ADH1A: variants seen among roughly 807,000 people sequenced by gnomAD.
The protein encoded by ADH1A is alcohol dehydrogenase 1A (class I), alpha polypeptide.
A neutral mutation model predicts 35.2 loss-of-function variants in ADH1A; 29 were observed. The ratio of observed to expected loss-of-function variants is 0.82; its 90% CI spans 0.61 to 1.12. ADH1A has a LOEUF of 1.12. Ranked by LOEUF, ADH1A falls within the 50% of genes most tolerant of loss-of-function variation. The pLI is 0.00. For synonymous variants in ADH1A, 147 were observed against 164.8 expected (o/e 0.89, Z 0.83); for missense variants, 469 against 464.7 (o/e 1.01, Z -0.09).
rs752260288 is a variant in ADH1A at position 99,282,206 on chromosome 4, A to G, written c.828+140T>C. 9 of 1,511,950 alleles carry G rather than the reference A, an allele frequency of 6.0e-6. No individual in the cohort carries two copies. In the African/African-American group the frequency reaches 1.1e-4, roughly 19 times the overall value. The allele number at this position is 1,511,950 out of a possible 1,614,324, so 93.7% of individuals were successfully genotyped here. A position where few individuals can be genotyped will look rare whatever the true frequency, so the allele number is the denominator to read the frequency against. On this transcript the variant is annotated intron_variant, in intron 6 of 8. Coordinates refer to ENST00000209668, the MANE Select transcript of ADH1A (RefSeq NM_000667.4). ...GATTCCTCATAACAATAAATTAAAC[A>G]AGCCAGGTAACAAACAGATGATGGG...
chr4:99,283,105 T>G (rs1180716147), intron 5 of ADH1A, among the ~76,000 whole-genome samples: 1 of 152,250 alleles, frequency 6.6e-6, no homozygotes, highest in East Asian at 1.9e-4. Context: ...AAACCCTCAG[T>G]AATGAACTCC....
intron 1 of ADH1A, chr4:99,288,861 G>A (rs930782430): frequency 6.6e-6 from 1 of 151,992 alleles, no homozygotes; most frequent in African/African-American, 2.4e-5. Flanking sequence ...GGTGTTTTCT[G>A]GTTACCTGGG....
In ADH1A at chr4:99,279,567, GA is replaced by G; in HGVS notation, c.965-4del. ...GACACATTCTTTACTTTTAAAGCCT[GA>G]AAAGAAGATGGTATCATTGTTAGAT... On this transcript the variant is annotated splice_polypyrimidine_tract_variant and splice_region_variant and intron_variant, in intron 7 of 8. Coordinates refer to ENST00000209668, the MANE Select transcript of ADH1A (RefSeq NM_000667.4). 6.2e-7 allele frequency: 1 copy of G among 1,606,806 alleles called. No individual in the cohort carries two copies. The highest frequency in any genetic ancestry group is 8.5e-7 in the Non-Finnish European group (1 of 1,177,868).
rs1452486483 is a variant in ADH1A at position 99,286,862 on chromosome 4, T to C, written c.247A>G (p.Thr83Ala). 3 of 1,613,930 alleles carry C rather than the reference T, an allele frequency of 1.9e-6. No homozygotes were observed. The African/African-American group carries it at 4.0e-5, about 22-fold the overall frequency. Residue 83 changes from threonine (T) to alanine (A), a missense_variant, in exon 3 of 9, where the codon ACA (threonine) becomes GCA (alanine). Physicochemically the swap from Thr to Ala is moderately conservative, Grantham distance 58 (BLOSUM62 0). Coordinates refer to ENST00000209668, the MANE Select transcript of ADH1A (RefSeq NM_000667.4). ...GTGAATCCTGTACCTGGTTTGACTG[T>C]AGTCACCCCTTCTCCAACACTCTCC... ...IVESVGEGVTTVKPGDKVIPL... is the reference protein window; with the variant it reads ...IVESVGEGVTAVKPGDKVIPL...
At chr4:99,281,841 G>C (rs2051429) in intron 6 of ADH1A, 14,528 of 187,592 alleles carry the variant, frequency 0.077, 1,292 homozygotes, top group African/African-American at 0.24. Flanking sequence ...TAATGCATTT[G>C]AGCTTCACTT....
chr4:99,279,578 G>T lies in ADH1A; in HGVS notation c.965-14C>A. ...TACTTTTAAAGCCTGAAAAGAAGATGGTATCATTGTTAGATTCAACCAGGG... is the reference window on the plus strand; with the variant it reads ...TACTTTTAAAGCCTGAAAAGAAGATTGTATCATTGTTAGATTCAACCAGGG... On this transcript the variant is annotated splice_polypyrimidine_tract_variant and intron_variant, in intron 7 of 8. Coordinates refer to ENST00000209668, the MANE Select transcript of ADH1A (RefSeq NM_000667.4). The T allele has an allele frequency of 6.2e-7, 1 of 1,603,112 alleles. No individual in the cohort carries two copies. Among genetic ancestry groups the T allele is most frequent in the East Asian group, 2.2e-5 (1 of 44,636 alleles).
intron 1 of ADH1A, among the ~76,000 whole-genome samples, chr4:99,288,343 G>T (rs190192790): frequency 1.0e-3 from 156 of 152,102 alleles, no homozygotes; most frequent in African/African-American, 3.5e-3. Flanking sequence ...TTGGGTGTGT[G>T]TGTGTGTGTG....
At chr4:99,281,776 G>C in intron 6 of ADH1A, 1 of 173,092 alleles carries the variant, frequency 5.8e-6, no homozygotes, top group South Asian at 1.4e-4. Context: ...AGTCCTACTA[G>C]TATTGGGCTC....
chr4:99,280,669 A>G (rs1371285023), intron 6 of ADH1A, among the ~76,000 whole-genome samples: 1 of 152,120 alleles, frequency 6.6e-6, no homozygotes, highest in Non-Finnish European at 1.5e-5. Flanking sequence ...GGTATTTTGA[A>G]CCCATTACTT....
chr4:99,279,917 C>T (rs569964854), intron 7 of ADH1A, among the ~76,000 whole-genome samples: 6 of 152,178 alleles, frequency 3.9e-5, no homozygotes, highest in South Asian at 2.1e-4. Flanking sequence ...GTTACAAGTA[C>T]GAAAACAGAT....
chr4:99,288,593 A>C (rs1733215287), intron 1 of ADH1A: 1 of 152,198 alleles, frequency 6.6e-6, no homozygotes, highest in Non-Finnish European at 1.5e-5. Context: ...AATTATGATA[A>C]AAATTCAATT....
intron 6 of ADH1A, chr4:99,282,091 A>G (rs1229971): frequency 2.8e-4 from 170 of 597,662 alleles, no homozygotes; most frequent in Non-Finnish European, 4.4e-4. Context: ...AAAGTAATCT[A>G]TTATCACTCA....
At chr4:99,284,323 C>T (rs1052319275) in intron 5 of ADH1A, 76 bp downstream of exon 5, 5 of 1,454,036 alleles carry the variant, frequency 3.4e-6, no homozygotes, top group African/African-American at 2.8e-5. Flanking sequence ...ATCTTCGATT[C>T]TTGTGAGACA....
intron 1 of ADH1A, among the ~76,000 whole-genome samples, chr4:99,289,411 G>A (rs1406855620): frequency 6.6e-6 from 1 of 152,108 alleles, no homozygotes; most frequent in Non-Finnish European, 1.5e-5. Context: ...TCTCAAAGCT[G>A]GCTTTCCAGA....
chr4:99,282,213 G>T, intron 6 of ADH1A, 133 bp downstream of exon 6: 1 of 1,545,080 alleles, frequency 6.5e-7, no homozygotes, highest in Non-Finnish European at 8.9e-7. Flanking sequence ...AACAAGCCAG[G>T]TAACAAACAG....
Position 99,287,548 on chromosome 4 carries a change from GA to G in ADH1A, c.120+15del. Reference sequence around the variant, plus strand: ...AGTTTTTAAAACTTAAATACAAATGGAAAAATGTATTTCACCTTAATACGAA... The same window carrying G: ...AGTTTTTAAAACTTAAATACAAATGGAAAATGTATTTCACCTTAATACGAA... On this transcript the variant is annotated intron_variant, in intron 2 of 8. Transcript: ENST00000209668. The G allele has an allele frequency of 6.3e-7, 1 of 1,595,952 alleles. No homozygotes were observed. Among genetic ancestry groups the G allele is most frequent in the South Asian group, 1.2e-5 (1 of 86,450 alleles).
intron 8 of ADH1A, among the ~76,000 whole-genome samples, chr4:99,276,902 A>G (rs1732883172): frequency 1.3e-5 from 2 of 152,162 alleles, no homozygotes; most frequent in Non-Finnish European, 2.9e-5. Flanking sequence ...CTACGTTAGC[A>G]TCTTCAAAAA....
chr4:99,276,692 C>G (rs755098195), intron 8 of ADH1A, 44 bp from the exon 9 acceptor site: 6 of 1,571,372 alleles, frequency 3.8e-6, no homozygotes, highest in Admixed American at 3.3e-5. Context: ...TTTAGACATG[C>G]TTCCATGTGA....
At position 99,277,866 on chromosome 4, in the gene ADH1A, TG is replaced by T. The variant is rs28364335; in HGVS notation, c.1104-1219del. 6.3e-3 allele frequency among the ~76,000 whole-genome samples: 962 copies of T among 152,162 alleles called. 7 individuals carry two copies. Among genetic ancestry groups the T allele is most frequent in the African/African-American group, 0.022 (931 of 41,550 alleles). Reference sequence around the variant, plus strand: ...GTAAACATGCTGAAACACATATGTGTGTTTGAATAGTTGATTATTTCTGTAG... The same window carrying T: ...GTAAACATGCTGAAACACATATGTGTTTTGAATAGTTGATTATTTCTGTAG... On this transcript the variant is annotated intron_variant, in intron 8 of 8. Transcript: ENST00000209668.
Sources: gnomAD v4.1 joint callset for allele counts (sites outside exome capture counted in the v4.1 genomes callset) on GRCh38, gnomAD v4.1.1 for gene constraint, MANE v1.5 for transcripts, NCBI Gene and HGNC (gene_info 2026-07-23, HGNC 2026-07-21) for gene names.